ZNF223: variants seen among roughly 807,000 people sequenced by gnomAD.
The protein encoded by ZNF223 is zinc finger protein 223.
In ZNF223, 9 loss-of-function variants were observed where a neutral mutation model predicts 12.3. The ratio of observed to expected loss-of-function variants is 0.73; its 90% CI spans 0.44 to 1.28. The LOEUF (loss-of-function observed/expected upper bound fraction) is 1.28, where lower values mean the gene tolerates loss of function less well. Ranked by LOEUF, ZNF223 falls within the 50% of genes most tolerant of loss-of-function variation. The pLI is 0.00. For synonymous variants in ZNF223, 171 were observed against 195.2 expected, an observed-to-expected ratio of 0.88 and a Z score of 1.03; for missense variants, 506 against 579.0, an observed-to-expected ratio of 0.87 and a Z score of 1.29.
Position 44,067,580 on chromosome 19 carries a change from T to C in ZNF223, c.*303T>C. The C allele has an allele frequency of 2.5e-6, 1 of 404,930 alleles. No individual in the cohort carries two copies. The highest frequency in any genetic ancestry group is 4.7e-6 in the Non-Finnish European group (1 of 212,544). The allele number at this position is 404,930 out of a possible 1,614,324, so 25.1% of individuals were successfully genotyped here. ...CTGCCTCTAGAGCCACTGTTCTCACTACTTCTAAGAAATCAGCTTTTTAAG... is the reference window on the plus strand; with the variant it reads ...CTGCCTCTAGAGCCACTGTTCTCACCACTTCTAAGAAATCAGCTTTTTAAG... On this transcript the variant is annotated 3_prime_UTR_variant, in exon 5 of 5. Transcript: ENST00000434772.
At chr19:44,064,140 G>T (rs73558217) in intron 4 of ZNF223, among the ~76,000 whole-genome samples, 1 of 152,054 alleles carries the variant, frequency 6.6e-6, no homozygotes, top group Admixed American at 6.5e-5. Context: ...TTCATGTAAC[G>T]ACACCTTTCC....
chr19:44,060,890 T>C, intron 4 of ZNF223, 49 bp downstream of exon 4: 1 of 1,543,082 alleles, frequency 6.5e-7, no homozygotes, highest in Non-Finnish European at 8.9e-7. Flanking sequence ...CCATCTGTTT[T>C]ACTTCTGTGC....
intron 2 of ZNF223, among the ~76,000 whole-genome samples, chr19:44,059,981 C>A (rs890261968): frequency 6.6e-6 from 1 of 152,062 alleles, no homozygotes; most frequent in African/African-American, 2.4e-5. Context: ...TGATCTGAAC[C>A]GCAAATTACC....
At chr19:44,061,624 A>G (rs1041359986) in intron 4 of ZNF223, among the ~76,000 whole-genome samples, 1 of 152,086 alleles carries the variant, frequency 6.6e-6, no homozygotes, top group African/African-American at 2.4e-5. Context: ...TGACTTTCCT[A>G]CTTTCTGCTT....
intron 2 of ZNF223, among the ~76,000 whole-genome samples, chr19:44,059,516 G>A (rs1367868082): frequency 6.6e-6 from 1 of 152,216 alleles, no homozygotes; most frequent in Non-Finnish European, 1.5e-5. Context: ...GGTAGCAGAT[G>A]GAACACTTAG....
Position 44,067,000 on chromosome 19 carries a change from A to G in ZNF223, c.1172A>G (p.His391Arg), listed in dbSNP as rs111566515. ...YITKSGLDLH[H>R]RAHTGERPYN... ...ACTAAGTCAGGTCTTGACTTGCACC[A>G]TAGAGCCCACACAGGAGAGAGACCT... is the stretch of plus-strand genomic sequence containing the variant. Residue 391 changes from histidine to arginine, a missense_variant, in exon 5 of 5, where the codon CAT (histidine) becomes CGT (arginine). Transcript: ENST00000434772. 23 of 1,613,030 alleles carry G rather than the reference A, an allele frequency of 1.4e-5. No individual in the cohort carries two copies. The Middle Eastern group carries it at 4.9e-4, about 35-fold the overall frequency.
At chr19:44,058,684 G>A (rs535817107) in intron 2 of ZNF223, among the ~76,000 whole-genome samples, 104 of 152,354 alleles carry the variant, frequency 6.8e-4, no homozygotes, top group African/African-American at 2.4e-3. Flanking sequence ...GAGCACTTGT[G>A]TTTTTTGAAC....
In ZNF223 at chr19:44,066,933, G is replaced by T. The variant is rs770527877; in HGVS notation, c.1105G>T (p.Glu369Ter). The T allele has an allele frequency of 6.2e-7, 1 of 1,614,168 alleles. No homozygotes were observed. The highest frequency in any genetic ancestry group is 1.7e-5 in the Admixed American group (1 of 60,028). The change falls in exon 5 of 5, where the codon GAA (glutamate) becomes TAA (stop). Residue 369 changes from glutamate to a stop codon, truncating the protein, a stop_gained. Coordinates refer to ENST00000434772, the MANE Select transcript of ZNF223 (RefSeq NM_013361.6). LOFTEE classifies it low-confidence loss of function (END_TRUNC). ...LLIHQRVHTG[E>*]KPYKCDKCGK... ...GATCCATCAGCGAGTCCACACTGGA[G>T]AAAAGCCATACAAATGTGACAAGTG...
chr19:44,055,348 T>G (rs1328884286), intron 2 of ZNF223, among the ~76,000 whole-genome samples, 157 bp downstream of exon 2: 3 of 151,840 alleles, frequency 2.0e-5, no homozygotes, highest in African/African-American at 7.3e-5. Flanking sequence ...GAGATGGGGT[T>G]TCATCATGTT....
rs866160002 is a variant in ZNF223, at chr19:44,067,195, C to T, written c.1367C>T (p.Ser456Phe). ...QQKNHSGENP[S>F]KCEDCGKRYK... ...AAAAACCACAGTGGAGAAAATCCAT[C>T]CAAATGTGAAGACTGTGGGAAGCGC... The change falls in exon 5 of 5, where the codon TCC becomes TTC. Residue 456 changes from serine to phenylalanine, a missense_variant. Coordinates refer to ENST00000434772, the MANE Select transcript of ZNF223 (RefSeq NM_013361.6). 3 of 1,611,290 alleles carry T rather than the reference C, an allele frequency of 1.9e-6. No homozygotes were observed. The highest frequency in any genetic ancestry group is 2.7e-5 in the African/African-American group (2 of 74,610).
chr19:44,067,605 G>T lies in ZNF223; in HGVS notation c.*328G>T. The T allele has an allele frequency of 2.5e-6, 1 of 398,872 alleles. No homozygotes were observed. Among genetic ancestry groups the T allele is most frequent in the South Asian group, 2.0e-5 (1 of 49,252 alleles). The allele number at this position is 398,872 out of a possible 1,614,324, so 24.7% of individuals were successfully genotyped here. ...TACTTCTAAGAAATCAGCTTTTTAAGCTTCCCCATGTGATTGAGGACAGTT... is the reference window on the plus strand; with the variant it reads ...TACTTCTAAGAAATCAGCTTTTTAATCTTCCCCATGTGATTGAGGACAGTT... On this transcript the variant is annotated 3_prime_UTR_variant, in exon 5 of 5. Coordinates refer to ENST00000434772, the MANE Select transcript of ZNF223 (RefSeq NM_013361.6).
chr19:44,065,468 TA>T (rs1976895298), intron 4 of ZNF223, among the ~76,000 whole-genome samples: 2 of 152,144 alleles, frequency 1.3e-5, no homozygotes, highest in African/African-American at 2.4e-5. Flanking sequence ...TTGGAAATTT[TA>T]AAAACAGTAA....
At chr19:44,055,754 A>C (rs2147469121) in intron 2 of ZNF223, among the ~76,000 whole-genome samples, 1 of 152,088 alleles carries the variant, frequency 6.6e-6, no homozygotes, top group Non-Finnish European at 1.5e-5. Flanking sequence ...GGGCAACAAG[A>C]GTGAAACTCT....
chr19:44,053,235 T>C (rs1032434562), intron 1 of ZNF223, among the ~76,000 whole-genome samples: 2 of 152,068 alleles, frequency 1.3e-5, no homozygotes, highest in African/African-American at 4.8e-5. Flanking sequence ...GGACCGGCGC[T>C]CAGCAAATGA....
At position 44,062,529 on chromosome 19, in the gene ZNF223, T is replaced by A. The variant is rs1366976501; in HGVS notation, c.235+1688T>A. On this transcript the variant is annotated intron_variant, in intron 4 of 4. Coordinates refer to ENST00000434772, the MANE Select transcript of ZNF223 (RefSeq NM_013361.6). ...GGCTGATTATATATTGCAGAACAGATTTTTTTTTTCTCTGTGGATGGCTGC... is the reference window on the plus strand; with the variant it reads ...GGCTGATTATATATTGCAGAACAGAATTTTTTTTTCTCTGTGGATGGCTGC... Among the ~76,000 whole-genome samples, 3 of 142,218 alleles carry A rather than the reference T, an allele frequency of 2.1e-5. No individual in the cohort carries two copies. In the East Asian group the frequency reaches 5.9e-4, roughly 28 times the overall value. 93.3% of individuals were successfully genotyped at this position (142,218 alleles called of 152,430 possible). A position where few individuals can be genotyped will look rare whatever the true frequency, so the allele number is the denominator to read the frequency against.
intron 3 of ZNF223, 34 bp from the exon 4 acceptor site, chr19:44,060,715 T>C (rs1976826024): frequency 6.2e-7 from 1 of 1,613,516 alleles, no homozygotes; most frequent in South Asian, 1.1e-5. Flanking sequence ...CTAGAATATG[T>C]TGGGATTAAG....
At chr19:44,063,262 C>A (rs746290682) in intron 4 of ZNF223, 1 of 152,254 alleles carries the variant, frequency 6.6e-6, no homozygotes, top group Non-Finnish European at 1.5e-5. Flanking sequence ...CGATTCCTTG[C>A]AGGAGGGAGT....
chr19:44,058,878 A>G (rs1297821148), intron 2 of ZNF223, among the ~76,000 whole-genome samples: 1 of 152,210 alleles, frequency 6.6e-6, no homozygotes, highest in East Asian at 1.9e-4. Context: ...AGCCTGGGGC[A>G]CAGCTTTAGC....
At chr19:44,063,696 C>A (rs1599870947) in intron 4 of ZNF223, 1 of 152,244 alleles carries the variant, frequency 6.6e-6, no homozygotes, top group Non-Finnish European at 1.5e-5. Context: ...CCACATCTAT[C>A]CATACTTTCC....
Sources: allele counts gnomAD v4.1 joint callset (sites outside exome capture counted in the v4.1 genomes callset), GRCh38; gene constraint gnomAD v4.1.1; transcripts MANE v1.5; gene names NCBI Gene and HGNC (gene_info 2026-07-23, HGNC 2026-07-21).